Variants in ZNF764 observed in about 807,000 individuals in gnomAD.
ZNF764 encodes zinc finger protein 764.
ZNF764 carries 10 observed loss-of-function variants against 13.9 expected under a neutral mutation model. That is an observed-to-expected ratio of 0.72 (90% CI 0.44 to 1.22). ZNF764 has a LOEUF of 1.22. Ranked by LOEUF, ZNF764 falls within the 50% of genes most tolerant of loss-of-function variation. The pLI, the probability that ZNF764 is intolerant of heterozygous loss-of-function variation, is 0.00. For missense variants in ZNF764, 647 were observed against 589.7 expected (o/e 1.10, Z -1.01); for synonymous variants, 313 against 255.1 (o/e 1.23, Z -2.16).
In ZNF764 at chr16:30,558,086, C is replaced by CG. The variant is rs1328795510; in HGVS notation, c.96dup (p.Val33ArgfsTer139). 6 of 1,611,032 alleles carry CG rather than the reference C, an allele frequency of 3.7e-6. No homozygotes were observed. The highest frequency in any genetic ancestry group is 5.1e-6 in the Non-Finnish European group (6 of 1,179,272). ...CCCCACTCCTCCCGGCAGAAGTACA[C>CG]GGCCACGTCCGCGAAGCTCACAGCC... On this transcript the variant is annotated frameshift_variant, in exon 1 of 3. Coordinates refer to ENST00000395091, the MANE Select transcript of ZNF764 (RefSeq NM_001172679.2). LOFTEE classifies it high-confidence loss of function.
chr16:30,557,035 G>A (rs930142418), intron 2 of ZNF764, among the ~76,000 whole-genome samples: 1 of 152,104 alleles, frequency 6.6e-6, no homozygotes, highest in Non-Finnish European at 1.5e-5. Flanking sequence ...AGCTACTGGG[G>A]AGGCTGAGGC....
chr16:30,557,810 A>T lies in ZNF764; in HGVS notation c.233T>A (p.Val78Glu). 1 of 1,611,866 alleles carries T rather than the reference A, an allele frequency of 6.2e-7. No homozygotes were observed. Among genetic ancestry groups the T allele is most frequent in the Non-Finnish European group, 8.5e-7 (1 of 1,178,932 alleles). The change falls in exon 2 of 3, where the codon GTG (valine) becomes GAG (glutamate). Residue 78 changes from valine (V) to glutamate (E), a missense_variant. Val to Glu is a moderately radical substitution (Grantham distance 121, BLOSUM62 -2). Coordinates refer to ENST00000395091, the MANE Select transcript of ZNF764 (RefSeq NM_001172679.2). ...ACCCCACAGTTCGGCCTCCTCCTCC[A>T]CCCAGGAGATGAGAGCTGGCTTGTT... is the stretch of plus-strand genomic sequence containing the variant. ...GGNKPALISW[V>E]EEEAELWGPA...
In ZNF764 at chr16:30,554,997, G is replaced by T. The variant is rs2051535471; in HGVS notation, c.*197C>A. The T allele has an allele frequency of 4.9e-6, 3 of 614,458 alleles. No individual in the cohort carries two copies. Among genetic ancestry groups the T allele is most frequent in the African/African-American group, 1.9e-5 (1 of 51,594 alleles). The allele number at this position is 614,458 out of a possible 1,614,324, so 38.1% of individuals were successfully genotyped here. A position where few individuals can be genotyped will look rare whatever the true frequency, so the allele number is the denominator to read the frequency against. ...ACTCAGCCCTGCCTCAGTAGAGGGGGCCTTGGAGAGCCCTGGGCAGTGGGG... is the reference window on the plus strand; with the variant it reads ...ACTCAGCCCTGCCTCAGTAGAGGGGTCCTTGGAGAGCCCTGGGCAGTGGGG... On this transcript the variant is annotated 3_prime_UTR_variant, in exon 3 of 3. Transcript: ENST00000395091.
rs755951900 is a variant in ZNF764, at chr16:30,558,084, C to G, written c.99G>C (p.Val33=). 6.2e-7 allele frequency: 1 copy of G among 1,611,676 alleles called. No homozygotes were observed. Among genetic ancestry groups the G allele is most frequent in the Non-Finnish European group, 8.5e-7 (1 of 1,179,392 alleles). ...AGCCCCACTCCTCCCGGCAGAAGTA[C>G]ACGGCCACGTCCGCGAAGCTCACAG... ...PGAVSFADVA[V]YFCREEWGCL... The change falls in exon 1 of 3, where the codon GTG becomes GTC. Residue 33 remains valine (V), a synonymous_variant. Coordinates refer to ENST00000395091, the MANE Select transcript of ZNF764 (RefSeq NM_001172679.2).
chr16:30,556,865 G>C (rs191592282), intron 2 of ZNF764, among the ~76,000 whole-genome samples: 5 of 152,314 alleles, frequency 3.3e-5, no homozygotes, highest in Middle Eastern at 3.4e-3. Context: ...GGCTGGGCGC[G>C]GTGGCTCACG....
In ZNF764 at chr16:30,557,996, T is replaced by C. The variant is rs552004758; in HGVS notation, c.187A>G (p.Ser63Gly). The C allele has an allele frequency of 6.2e-6, 10 of 1,602,128 alleles. No homozygotes were observed. The highest frequency in any genetic ancestry group is 4.5e-5 in the South Asian group (4 of 89,846). ...DVMRETYGHL[S>G]ALGIGGNKPA... ...CAGGTGGGGCTCTCACCGAGAGCGCTCAGGTGGCCGTAGGTCTCCCGCATC... is the reference window on the plus strand; with the variant it reads ...CAGGTGGGGCTCTCACCGAGAGCGCCCAGGTGGCCGTAGGTCTCCCGCATC... The change falls in exon 1 of 3, where the codon AGC becomes GGC. Residue 63 changes from serine (S) to glycine (G), a missense_variant. Coordinates refer to ENST00000395091, the MANE Select transcript of ZNF764 (RefSeq NM_001172679.2).
At position 30,555,672 on chromosome 16, in the gene ZNF764, A is replaced by G. The variant is rs1449647157; in HGVS notation, c.746T>C (p.Leu249Pro). 1 of 1,554,498 alleles carries G rather than the reference A, an allele frequency of 6.4e-7. No homozygotes were observed. The highest frequency in any genetic ancestry group is 1.9e-5 in the Admixed American group (1 of 51,844). ...GGGTTTCTCGCCGGTGTGGACGCGC[A>G]GGTGCGAAGTCAGCGCCGAGCGCTG... ...FTQRSALTSH[L>P]RVHTGEKPYG... Residue 249 changes from leucine to proline, a missense_variant, in exon 3 of 3, where the codon CTG becomes CCG. Coordinates refer to ENST00000395091, the MANE Select transcript of ZNF764 (RefSeq NM_001172679.2).
In ZNF764 at chr16:30,555,784, C is replaced by T; in HGVS notation, c.634G>A (p.Gly212Ser). The T allele has an allele frequency of 6.2e-7, 1 of 1,610,022 alleles. No individual in the cohort carries two copies. The highest frequency in any genetic ancestry group is 8.5e-7 in the Non-Finnish European group (1 of 1,179,664). Residue 212 changes from glycine to serine, a missense_variant, in exon 3 of 3, where the codon GGC becomes AGC. By Grantham distance (56) the Gly-to-Ser change is moderately conservative. Coordinates refer to ENST00000395091, the MANE Select transcript of ZNF764 (RefSeq NM_001172679.2). ...TGTTTGCTCAGGGAGGAAGCGTGGCCGAAGCCCTTGCCGCAGTCAGTGCAG... is the reference window on the plus strand; with the variant it reads ...TGTTTGCTCAGGGAGGAAGCGTGGCTGAAGCCCTTGCCGCAGTCAGTGCAG... The part of the protein sequence containing the change: ...FHCTDCGKGF[G>S]HASSLSKHRA...
At position 30,555,139 on chromosome 16, in the gene ZNF764, C is replaced by A; in HGVS notation, c.*55G>T. The A allele has an allele frequency of 6.5e-7, 1 of 1,540,278 alleles. No individual in the cohort carries two copies. Among genetic ancestry groups the A allele is most frequent in the Admixed American group, 2.0e-5 (1 of 49,700 alleles). On this transcript the variant is annotated 3_prime_UTR_variant, in exon 3 of 3. Coordinates refer to ENST00000395091, the MANE Select transcript of ZNF764 (RefSeq NM_001172679.2). ...CTGCAGGCCGCCGCAGAGGTTCGGGCCCCTGAGCCCATCTCGGGCCTCCCG... is the reference window on the plus strand; with the variant it reads ...CTGCAGGCCGCCGCAGAGGTTCGGGACCCTGAGCCCATCTCGGGCCTCCCG...
rs969346393 is a variant in ZNF764 at position 30,555,041 on chromosome 16, G to A, written c.*153C>T. The A allele has an allele frequency of 1.7e-5, 15 of 872,144 alleles. No homozygotes were observed. The highest frequency in any genetic ancestry group is 3.5e-4 in the Middle Eastern group (1 of 2,876). The allele number at this position is 872,144 out of a possible 1,614,324, so 54.0% of individuals were successfully genotyped here. A position where few individuals can be genotyped will look rare whatever the true frequency, so the allele number is the denominator to read the frequency against. ...AGTGGGGAGCAAGGTGCTGGCAGAG[G>A]AGGCTGCTAAGGGCCCAAGATCAGA... On this transcript the variant is annotated 3_prime_UTR_variant, in exon 3 of 3. Transcript: ENST00000395091.
chr16:30,555,588 C>G lies in ZNF764; in HGVS notation c.830G>C (p.Arg277Pro), dbSNP rs754649902. ...FSQSSALYQH[R>P]RVHSGETPFP... ...GGGGGTCTCGCCGCTGTGCACGCGCCGGTGCTGGTAGAGGGCAGAGCTCTG... is the reference window on the plus strand; with the variant it reads ...GGGGGTCTCGCCGCTGTGCACGCGCGGGTGCTGGTAGAGGGCAGAGCTCTG... The change falls in exon 3 of 3, where the codon CGG (arginine) becomes CCG (proline). Residue 277 changes from arginine to proline, a missense_variant. Physicochemically the swap from Arg to Pro is moderately radical, Grantham distance 103. Transcript: ENST00000395091. The G allele has an allele frequency of 1.9e-6, 3 of 1,543,954 alleles. No homozygotes were observed. Among genetic ancestry groups the G allele is most frequent in the Non-Finnish European group, 2.6e-6 (3 of 1,150,164 alleles).
chr16:30,555,615 C>A lies in ZNF764; in HGVS notation c.803G>T (p.Ser268Ile). 1 of 1,544,428 alleles carries A rather than the reference C, an allele frequency of 6.5e-7. No homozygotes were observed. ...YGCADCGRRF[S>I]QSSALYQHRR... is the part of the protein sequence containing the mutation. ...GTGCTGGTAGAGGGCAGAGCTCTGG[C>A]TGAAGCGGCGGCCACAGTCGGCGCA... Residue 268 changes from serine (S) to isoleucine (I), a missense_variant, in exon 3 of 3, where the codon AGC becomes ATC. Ser to Ile is a moderately radical substitution (Grantham distance 142). Coordinates refer to ENST00000395091, the MANE Select transcript of ZNF764 (RefSeq NM_001172679.2).
Position 30,558,019 on chromosome 16 carries a change from A to G in ZNF764, c.164T>C (p.Met55Thr). ...PAQRALYRDVMRETYGHLSAL... is the reference protein window; with the variant it reads ...PAQRALYRDVTRETYGHLSAL... ...GCTCAGGTGGCCGTAGGTCTCCCGC[A>G]TCACGTCCCGGTACAGGGCCCTCTG... Residue 55 changes from methionine to threonine, a missense_variant, in exon 1 of 3, where the codon ATG becomes ACG. Physicochemically the swap from Met to Thr is moderately conservative, Grantham distance 81 (BLOSUM62 -1). Transcript: ENST00000395091. 6.2e-7 allele frequency: 1 copy of G among 1,610,608 alleles called. No homozygotes were observed. The highest frequency in any genetic ancestry group is 8.5e-7 in the Non-Finnish European group (1 of 1,178,718).
Position 30,555,870 on chromosome 16 carries a change from A to C in ZNF764, c.548T>G (p.Phe183Cys), listed in dbSNP as rs1264755682. 1 of 1,612,528 alleles carries C rather than the reference A, an allele frequency of 6.2e-7. No individual in the cohort carries two copies. Among genetic ancestry groups the C allele is most frequent in the Non-Finnish European group, 8.5e-7 (1 of 1,179,650 alleles). The change falls in exon 3 of 3, where the codon TTT (phenylalanine) becomes TGT (cysteine). Residue 183 changes from phenylalanine to cysteine, a missense_variant. By Grantham distance (205) the Phe-to-Cys change is radical. Transcript: ENST00000395091. ...RHGCYVCGKS[F>C]AWRSTLVEHV... ...CTCCACCAGTGTGGAGCGCCAGGCA[A>C]AGCTCTTCCCGCACACGTAGCAGCC...
In ZNF764 at chr16:30,554,164, A is replaced by G. The variant is rs1485758527; in HGVS notation, c.*1030T>C. On this transcript the variant is annotated 3_prime_UTR_variant, in exon 3 of 3. Transcript: ENST00000395091. ...TTGCCAAATCTTTGGATTTTTCAAA[A>G]GACACCAGAAAACCTGTATTTGGTT... 6.6e-6 allele frequency: 1 copy of G among 152,238 alleles called. No individual in the cohort carries two copies. The highest frequency in any genetic ancestry group is 1.5e-5 in the Non-Finnish European group (1 of 68,036). The allele number at this position is 152,238 out of a possible 1,614,324, so 9.4% of individuals were successfully genotyped here. A position where few individuals can be genotyped will look rare whatever the true frequency, so the allele number is the denominator to read the frequency against.
Position 30,555,487 on chromosome 16 carries a change from C to T in ZNF764, c.931G>A (p.Glu311Lys). Residue 311 changes from glutamate to lysine, a missense_variant, in exon 3 of 3, where the codon GAG (glutamate) becomes AAG (lysine). Coordinates refer to ENST00000395091, the MANE Select transcript of ZNF764 (RefSeq NM_001172679.2). ...LRRHVRTHTG[E>K]KPYPCPDCGR... ...CAGTCCGGGCACGGGTAGGGCTTCT[C>T]GCCGGTGTGGGTGCGCACGTGGCGC... 4 of 1,549,420 alleles carry T rather than the reference C, an allele frequency of 2.6e-6. No homozygotes were observed. The highest frequency in any genetic ancestry group is 2.0e-5 in the Admixed American group (1 of 50,372).
chr16:30,555,689 C>T lies in ZNF764; in HGVS notation c.729G>A (p.Ser243=), dbSNP rs1412170081. The part of the protein sequence containing the change: ...LECGRAFTQR[S]ALTSHLRVHT... ...GGACGCGCAGGTGCGAAGTCAGCGCCGAGCGCTGCGTGAAGGCCCGGCCAC... is the reference window on the plus strand; with the variant it reads ...GGACGCGCAGGTGCGAAGTCAGCGCTGAGCGCTGCGTGAAGGCCCGGCCAC... Residue 243 remains serine (S), a synonymous_variant, in exon 3 of 3, where the codon TCG becomes TCA. Coordinates refer to ENST00000395091, the MANE Select transcript of ZNF764 (RefSeq NM_001172679.2). The T allele has an allele frequency of 1.9e-6, 3 of 1,568,100 alleles. No individual in the cohort carries two copies. Among genetic ancestry groups the T allele is most frequent in the Non-Finnish European group, 2.6e-6 (3 of 1,160,374 alleles).
rs775993941 is a variant in ZNF764, at chr16:30,555,951, C to T, written c.467G>A (p.Arg156Gln). 5 of 1,611,394 alleles carry T rather than the reference C, an allele frequency of 3.1e-6. No homozygotes were observed. The Admixed American group carries it at 5.0e-5, about 16-fold the overall frequency. The change falls in exon 3 of 3, where the codon CGG (arginine) becomes CAG (glutamine). Residue 156 changes from arginine to glutamine, a missense_variant. By Grantham distance (43) the Arg-to-Gln change is conservative. Transcript: ENST00000395091. ...GTGGGCACAGAGGGAGGGGCGTCCCCGGTGCGGTGCCTTGGACAGCTGCTC... is the reference window on the plus strand; with the variant it reads ...GTGGGCACAGAGGGAGGGGCGTCCCTGGTGCGGTGCCTTGGACAGCTGCTC... ...GWEQLSKAPH[R>Q]GRPSLCAHPP...
rs1275007312 is a variant in ZNF764, at chr16:30,556,084, T to C, written c.334A>G (p.Arg112Gly). The C allele has an allele frequency of 1.9e-6, 3 of 1,611,684 alleles. No individual in the cohort carries two copies. The African/African-American group carries it at 4.0e-5, about 22-fold the overall frequency. ...AGGGCTCCCGTCCCTTCCCTTTGTCTTTCCTTTTTCTTGTTTCTGGAATCT... is the reference window on the plus strand; with the variant it reads ...AGGGCTCCCGTCCCTTCCCTTTGTCCTTCCTTTTTCTTGTTTCTGGAATCT... ...DPDSRNKKKE[R>G]QREGTGALEK... The change falls in exon 3 of 3, where the codon AGA becomes GGA. Residue 112 changes from arginine to glycine, a missense_variant. Arg to Gly is a moderately radical substitution (Grantham distance 125, BLOSUM62 -2). Coordinates refer to ENST00000395091, the MANE Select transcript of ZNF764 (RefSeq NM_001172679.2).
Sources: gnomAD v4.1 joint callset for allele counts (sites outside exome capture counted in the v4.1 genomes callset) on GRCh38, gnomAD v4.1.1 for gene constraint, MANE v1.5 for transcripts, NCBI Gene and HGNC (gene_info 2026-07-23, HGNC 2026-07-21) for gene names.